VSIR: variants seen among roughly 807,000 people sequenced by gnomAD.
VSIR encodes the protein V-set immunoregulatory receptor.
In VSIR, 10 loss-of-function variants were observed where a neutral mutation model predicts 31.0. That is an observed-to-expected ratio of 0.32 (90% CI 0.20 to 0.55). VSIR has a LOEUF of 0.55. Among genes scored for constraint, VSIR ranks in the 20% least tolerant of loss-of-function variants. VSIR has a pLI of 0.93. For synonymous variants in VSIR, 179 were observed against 180.1 expected (o/e 0.99, Z 0.05); for missense variants, 356 against 416.2 (o/e 0.86, Z 1.26).
At position 71,755,509 on chromosome 10, in the gene VSIR, T is replaced by C. The variant is rs775700221; in HGVS notation, c.569-43A>G. 21 of 1,542,910 alleles carry C rather than the reference T, an allele frequency of 1.4e-5. No individual in the cohort carries two copies. In the South Asian group the frequency reaches 2.5e-4, roughly 18 times the overall value. Reference sequence around the variant, plus strand: ...TAGCCAAGGTGAAGCCCCATTCCCATTGCTCCTCCTGAGCATAAACTGAGG... The same window carrying C: ...TAGCCAAGGTGAAGCCCCATTCCCACTGCTCCTCCTGAGCATAAACTGAGG... On this transcript the variant is annotated intron_variant, in intron 3 of 6. Transcript: ENST00000394957.
chr10:71,758,149 C>T (rs1160708016), intron 3 of VSIR, among the ~76,000 whole-genome samples: 1 of 152,172 alleles, frequency 6.6e-6, no homozygotes, highest in Non-Finnish European at 1.5e-5. Flanking sequence ...GCCTGACCAA[C>T]ATGGCTCTGA....
intron 1 of VSIR, among the ~76,000 whole-genome samples, chr10:71,767,159 T>C (rs1840567290): frequency 6.6e-6 from 1 of 152,236 alleles, no homozygotes; most frequent in South Asian, 2.1e-4. Flanking sequence ...GGAGCTCTTG[T>C]TGGCATCTTC....
chr10:71,752,992 C>T lies in VSIR; in HGVS notation c.687G>A (p.Glu229=), dbSNP rs956308506. ...GGCCTTACCTGTCCATCCGCACCAG[C>T]TCCTGGGCACCTAGGGACAGACAGA... The part of the protein sequence containing the change: ...RQAASNRRAQ[E]LVRMDSNIQG... The change falls in exon 5 of 7, where the codon GAG becomes GAA. Residue 229 remains glutamate (E), a synonymous_variant. Coordinates refer to ENST00000394957, the MANE Select transcript of VSIR (RefSeq NM_022153.2). 1.9e-6 allele frequency: 3 copies of T among 1,612,948 alleles called. No homozygotes were observed. In the Admixed American group the frequency reaches 5.0e-5, roughly 27 times the overall value.
intron 1 of VSIR, among the ~76,000 whole-genome samples, chr10:71,768,759 CA>C (rs1840618197): frequency 6.6e-6 from 1 of 151,596 alleles, no homozygotes; most frequent in African/African-American, 2.4e-5. Context: ...GGATTACAGG[CA>C]TGAGCCACTG....
At chr10:71,768,205 C>T (rs1840601296) in intron 1 of VSIR, among the ~76,000 whole-genome samples, 1 of 152,184 alleles carries the variant, frequency 6.6e-6, no homozygotes, top group African/African-American at 2.4e-5. Flanking sequence ...GAGTCTCGCT[C>T]TGTTGCCCAG....
chr10:71,763,339 G>C (rs1004724919), intron 1 of VSIR, among the ~76,000 whole-genome samples: 1 of 152,204 alleles, frequency 6.6e-6, no homozygotes, highest in Non-Finnish European at 1.5e-5. Context: ...GGCATGTCAG[G>C]CTGTTGTGGG....
chr10:71,767,057 CA>C (rs1840563435), intron 1 of VSIR, among the ~76,000 whole-genome samples: 1 of 152,240 alleles, frequency 6.6e-6, no homozygotes, highest in Non-Finnish European at 1.5e-5. Flanking sequence ...AGAGTTCCAT[CA>C]GGGGCATCTG....
At chr10:71,759,305 T>A (rs910951353) in intron 3 of VSIR, among the ~76,000 whole-genome samples, 13 of 151,986 alleles carry the variant, frequency 8.6e-5, no homozygotes, top group Non-Finnish European at 4.4e-5. Context: ...CCTAAAGTGC[T>A]GGGATTACAG....
At position 71,749,346 on chromosome 10, in the gene VSIR, C is replaced by T. The variant is rs1839933946; in HGVS notation, c.*1907G>A. The T allele has an allele frequency of 6.6e-6, 1 of 152,276 alleles. No individual in the cohort carries two copies. 9.4% of individuals were successfully genotyped at this position (152,276 alleles called of 1,614,324 possible). On this transcript the variant is annotated 3_prime_UTR_variant, in exon 7 of 7. Transcript: ENST00000394957. ...GTTTTGAGGCAAAGTTTTGCTCCGT[C>T]CCCAGGCTGGAGTGTAGTGGCTCGA... is the stretch of plus-strand genomic sequence containing the variant.
chr10:71,763,164 T>C (rs557441172), intron 1 of VSIR, among the ~76,000 whole-genome samples: 1 of 152,148 alleles, frequency 6.6e-6, no homozygotes, highest in Non-Finnish European at 1.5e-5. Context: ...TATGCGTTGG[T>C]GTTATTTTTA....
At chr10:71,760,198 C>CATATATATGTGTGTATATATATGTATAT (rs1840323109) in intron 3 of VSIR, among the ~76,000 whole-genome samples, 1 of 49,886 alleles carries the variant, frequency 2.0e-5, no homozygotes. Flanking sequence ...TATGTATATA[C>CATATATATGTGTGTATATATATGTATAT]ATATATATGT....
At chr10:71,770,585 G>T (rs1283485101) in intron 1 of VSIR, among the ~76,000 whole-genome samples, 4 of 152,212 alleles carry the variant, frequency 2.6e-5, no homozygotes, top group Non-Finnish European at 5.9e-5. Flanking sequence ...CTGGGTCATT[G>T]GTTGGCTAAA....
intron 4 of VSIR, among the ~76,000 whole-genome samples, chr10:71,754,006 A>G (rs761619312): frequency 1.3e-5 from 2 of 152,224 alleles, no homozygotes; most frequent in Non-Finnish European, 2.9e-5. Flanking sequence ...ATGGAAATCC[A>G]CACCTGTTGG....
intron 4 of VSIR, chr10:71,755,028 C>G (rs1384439651): frequency 2.0e-6 from 1 of 501,060 alleles, no homozygotes; most frequent in Non-Finnish European, 3.9e-6. Flanking sequence ...TAAACAGGTC[C>G]CCCAAGGATC....
chr10:71,753,107 A>G, intron 4 of VSIR, 105 bp from the exon 5 acceptor site: 1 of 1,378,520 alleles, frequency 7.3e-7, no homozygotes, highest in Non-Finnish European at 1.0e-6. Flanking sequence ...GAGCGAGCCC[A>G]GGAGGGCCCT....
intron 4 of VSIR, among the ~76,000 whole-genome samples, chr10:71,753,621 G>A (rs912457635): frequency 3.9e-5 from 6 of 152,284 alleles, no homozygotes; most frequent in African/African-American, 9.6e-5. Context: ...AGTTGCTGCC[G>A]CTTGCCTCAG....
In VSIR at chr10:71,762,004, G is replaced by A. The variant is rs140045464; in HGVS notation, c.105C>T (p.Val35=). The change falls in exon 2 of 7, where the codon GTC becomes GTT. Residue 35 remains valine (V), a synonymous_variant. Coordinates refer to ENST00000394957, the MANE Select transcript of VSIR (RefSeq NM_022153.2). ...AGACATACAGGGAATACGGCGTGGC[G>A]ACCTTGAAGGCTGCCACCGGACCTG... ...ASLGPVAAFK[V]ATPYSLYVCP... 4.4e-5 allele frequency: 71 copies of A among 1,606,888 alleles called. No individual in the cohort carries two copies. The African/African-American group carries it at 6.8e-4, about 15-fold the overall frequency.
At chr10:71,762,170 G>T in intron 1 of VSIR, 144 bp from the exon 2 acceptor site, 1 of 992,944 alleles carries the variant, frequency 1.0e-6, no homozygotes, top group Non-Finnish European at 1.4e-6. Flanking sequence ...ACTGCCTTCT[G>T]CATTTGTTCA....
chr10:71,760,088 C>CAT (rs1469023881), intron 3 of VSIR, among the ~76,000 whole-genome samples: 1 of 125,750 alleles, frequency 8.0e-6, no homozygotes, highest in African/African-American at 2.8e-5. Flanking sequence ...TATACACACA[C>CAT]ATATACACAC....
Sources: allele counts gnomAD v4.1 joint callset (sites outside exome capture counted in the v4.1 genomes callset), GRCh38; gene constraint gnomAD v4.1.1; transcripts MANE v1.5; gene names NCBI Gene and HGNC (gene_info 2026-07-23, HGNC 2026-07-21).